The following ADAMTS9 variants were observed in gnomAD, a reference collection of about 807,000 sequenced individuals.
The protein encoded by ADAMTS9 is A disintegrin and metalloproteinase with thrombospondin motifs 9.
In ADAMTS9, 107 loss-of-function variants were observed where a neutral mutation model predicts 257.1. The observed-to-expected ratio is 0.42, with a 90% CI of 0.36 to 0.49. The LOEUF is 0.49. ADAMTS9 is among the 20% of genes least tolerant of loss of function. The pLI, the probability that ADAMTS9 is intolerant of heterozygous loss-of-function variation, is 0.03. For synonymous variants in ADAMTS9, 982 were observed against 880.9 expected, an observed-to-expected ratio of 1.11 and a Z score of -2.03; for missense variants, 2,353 against 2,469.1, an observed-to-expected ratio of 0.95 and a Z score of 1.00.
At chr3:64,619,507 T>C (rs969951588) in intron 19 of ADAMTS9, among the ~76,000 whole-genome samples, 20 of 152,290 alleles carry the variant, frequency 1.3e-4, no homozygotes, top group African/African-American at 3.9e-4. Flanking sequence ...GTTTAACGAC[T>C]CTCAGCCTCT....
intron 30 of ADAMTS9, among the ~76,000 whole-genome samples, chr3:64,556,651 T>A (rs545672090): frequency 1.9e-4 from 29 of 152,342 alleles, no homozygotes; most frequent in East Asian, 1.9e-4. Flanking sequence ...CATTTTAGAA[T>A]GCCTTTATTC....
At chr3:64,521,905 A>G (rs922410467) in intron 39 of ADAMTS9, among the ~76,000 whole-genome samples, 3 of 152,226 alleles carry the variant, frequency 2.0e-5, no homozygotes, top group Non-Finnish European at 4.4e-5. Flanking sequence ...AAACTTGCAC[A>G]TGTACCTCCT....
At chr3:64,609,895 C>T (rs6780659) in intron 22 of ADAMTS9, among the ~76,000 whole-genome samples, 33,171 of 152,054 alleles carry the variant, frequency 0.22, 4,174 homozygotes, top group Non-Finnish European at 0.27. Context: ...GTGATCAAAA[C>T]AGTCTACTGG....
At chr3:64,662,315 T>A (rs893229791) in intron 3 of ADAMTS9, among the ~76,000 whole-genome samples, 3 of 152,154 alleles carry the variant, frequency 2.0e-5, no homozygotes, top group Admixed American at 2.0e-4. Flanking sequence ...GAAATTTGTT[T>A]TATGTTCTTG....
Position 64,561,610 on chromosome 3 carries a change from G to T in ADAMTS9, c.4666C>A (p.Leu1556Ile), listed in dbSNP as rs1012654622. 2 of 1,613,858 alleles carry T rather than the reference G, an allele frequency of 1.2e-6. No individual in the cohort carries two copies. ...CATTCCTCTGCCCTCCAAGTGTAGA[G>T]GGGACACCGTGGGCCTTGGCAGTCG... is the stretch of plus-strand genomic sequence containing the variant. ...ERDCQGPRCP[L>I]YTWRAEEWQE... Residue 1556 changes from leucine (L) to isoleucine (I), a missense_variant, in exon 30 of 40, where the codon CTC becomes ATC. By Grantham distance (5) the Leu-to-Ile change is conservative. Around this residue, in one of 3 missense-constraint regions of ADAMTS9, gnomAD observed 1,402 missense variants for 1,441.4 expected, o/e 0.97. Coordinates refer to ENST00000498707, the MANE Select transcript of ADAMTS9 (RefSeq NM_182920.2).
At chr3:64,561,303 G>C in intron 30 of ADAMTS9, 1 of 287,428 alleles carries the variant, frequency 3.5e-6, no homozygotes, top group Non-Finnish European at 6.4e-6. Context: ...GAATGCATTC[G>C]GCCCACAGCC....
In ADAMTS9 at chr3:64,671,315, G is replaced by A. The variant is rs568141152; in HGVS notation, c.679+9886C>T. Among the ~76,000 whole-genome samples, 6 of 152,220 alleles carry A rather than the reference G, an allele frequency of 3.9e-5. No homozygotes were observed. In the East Asian group the frequency reaches 1.2e-3, roughly 29 times the overall value. ...ACTATAGAGACAGAAAACAGGGGTGGGGAGAGGGGCTGATTACAAAGGACA... is the reference window on the plus strand; with the variant it reads ...ACTATAGAGACAGAAAACAGGGGTGAGGAGAGGGGCTGATTACAAAGGACA... On this transcript the variant is annotated intron_variant, in intron 3 of 39. Coordinates refer to ENST00000498707, the MANE Select transcript of ADAMTS9 (RefSeq NM_182920.2).
At chr3:64,620,569 T>C (rs1700080029) in intron 19 of ADAMTS9, among the ~76,000 whole-genome samples, 1 of 152,204 alleles carries the variant, frequency 6.6e-6, no homozygotes, top group Non-Finnish European at 1.5e-5. Context: ...ACCCACCCAG[T>C]ATTTCCTGCC....
chr3:64,645,107 C>T (rs1044024685), intron 11 of ADAMTS9, among the ~76,000 whole-genome samples: 17 of 152,076 alleles, frequency 1.1e-4, no homozygotes, highest in Admixed American at 8.5e-4. Flanking sequence ...GCAAATTCTA[C>T]AAATAATAAT....
chr3:64,661,945 T>C (rs879810799), intron 3 of ADAMTS9, among the ~76,000 whole-genome samples: 2 of 151,786 alleles, frequency 1.3e-5, no homozygotes, highest in Non-Finnish European at 2.9e-5. Context: ...AAATCTCGAT[T>C]TCTTTTCTTC....
At chr3:64,659,626 G>A (rs1701177556) in intron 3 of ADAMTS9, among the ~76,000 whole-genome samples, 1 of 152,176 alleles carries the variant, frequency 6.6e-6, no homozygotes, top group South Asian at 2.1e-4. Context: ...TACATTATTA[G>A]ATCATTTCAA....
rs1701935867 is a variant in ADAMTS9, at chr3:64,687,199, AAT to A, written c.116-233_116-232del. Among the ~76,000 whole-genome samples the A allele has an allele frequency of 6.6e-6, 1 of 152,210 alleles. No individual in the cohort carries two copies. Among genetic ancestry groups the A allele is most frequent in the African/African-American group, 2.4e-5 (1 of 41,454 alleles). On this transcript the variant is annotated intron_variant, in intron 1 of 39. Coordinates refer to ENST00000498707, the MANE Select transcript of ADAMTS9 (RefSeq NM_182920.2). The surrounding 1 kb of genome is among the most constrained non-coding windows in gnomAD (Gnocchi z 4.4). ...CCGAGCCAGACAATTAACAAGTCAAAATATATATGATTTCAGATATTGATAAA... is the reference window on the plus strand; with the variant it reads ...CCGAGCCAGACAATTAACAAGTCAAAATATATGATTTCAGATATTGATAAA...
chr3:64,519,625 C>A (rs1224559098), intron 39 of ADAMTS9, among the ~76,000 whole-genome samples: 2 of 152,100 alleles, frequency 1.3e-5, no homozygotes, highest in African/African-American at 4.8e-5. Flanking sequence ...TTATTCTTGG[C>A]AGGCAAGGAT....
At chr3:64,581,161 A>C (rs933706724) in intron 28 of ADAMTS9, among the ~76,000 whole-genome samples, 7 of 152,134 alleles carry the variant, frequency 4.6e-5, no homozygotes, top group Non-Finnish European at 1.0e-4. Context: ...GGCCTTTGTT[A>C]TTATTTTCCA....
chr3:64,612,454 G>A (rs1222697779), intron 22 of ADAMTS9, among the ~76,000 whole-genome samples: 1 of 152,206 alleles, frequency 6.6e-6, no homozygotes, highest in Non-Finnish European at 1.5e-5. Context: ...TGGATGCTAT[G>A]AAATGGGGAA....
chr3:64,573,802 T>C (rs980029047), intron 28 of ADAMTS9, among the ~76,000 whole-genome samples: 4 of 152,166 alleles, frequency 2.6e-5, no homozygotes, highest in Non-Finnish European at 5.9e-5. Context: ...CGTCACACTG[T>C]TGGGGGAGGC....
At chr3:64,568,844 T>C (rs980088756) in intron 28 of ADAMTS9, 3 of 279,420 alleles carry the variant, frequency 1.1e-5, no homozygotes, top group Admixed American at 5.5e-5. Context: ...AAATTCTGAT[T>C]TTAAGAAGTC....
intron 3 of ADAMTS9, among the ~76,000 whole-genome samples, chr3:64,675,743 C>T (rs1046771993): frequency 6.6e-6 from 1 of 152,162 alleles, no homozygotes; most frequent in Non-Finnish European, 1.5e-5. Context: ...CTCTCTTCTT[C>T]CTGGCTGTGT....
chr3:64,653,803 T>C (rs1193335375), intron 8 of ADAMTS9, among the ~76,000 whole-genome samples: 5 of 152,196 alleles, frequency 3.3e-5, no homozygotes, highest in African/African-American at 1.2e-4. Flanking sequence ...AACGGCCACT[T>C]AGTGACCATA....
Sources: gnomAD v4.1 joint callset for allele counts (sites outside exome capture counted in the v4.1 genomes callset) on GRCh38, gnomAD v4.1.1 for gene constraint, gnomAD v4.1.1 regional missense constraint, Gnocchi (gnomAD v3.1) non-coding constraint, MANE v1.5 for transcripts, NCBI Gene and HGNC (gene_info 2026-07-23, HGNC 2026-07-21) for gene names.